RFX7: variants seen among roughly 807,000 people sequenced by gnomAD.
RFX7 encodes regulatory factor X7.
In RFX7, 26 loss-of-function variants were observed where a neutral mutation model predicts 111.8. That is an observed-to-expected ratio of 0.23 (90% CI 0.17 to 0.32). The LOEUF (loss-of-function observed/expected upper bound fraction) is 0.32. Ranked by LOEUF, RFX7 falls within the 10% of genes least tolerant of loss-of-function variation. The probability of loss-of-function intolerance (pLI) is 1.00; values close to 1 mark genes in which losing one functional copy is unlikely to be tolerated. For synonymous variants in RFX7, 624 were observed against 624.4 expected (o/e 1.00, Z 0.01); for missense variants, 1,573 against 1,772.9 (o/e 0.89, Z 2.02).
At position 56,093,476 on chromosome 15, in the gene RFX7, C is replaced by T; in HGVS notation, c.4252G>A (p.Ala1418Thr). ...TCATTCTTTAATTCTTCCAGTGTAG[C>T]TTCATCATCTTGTCCCTGCTGACGA... Reference protein sequence around the residue: ...PGRQQGQDDEATLEELKNDPL... With the variant: ...PGRQQGQDDETTLEELKNDPL... Residue 1418 changes from alanine (A) to threonine (T), a missense_variant, in exon 10 of 10, where the codon GCT (alanine) becomes ACT (threonine). Physicochemically the swap from Ala to Thr is moderately conservative, Grantham distance 58. Transcript: ENST00000559447. 5.6e-6 allele frequency: 9 copies of T among 1,613,882 alleles called. No homozygotes were observed. Among genetic ancestry groups the T allele is most frequent in the Non-Finnish European group, 7.6e-6 (9 of 1,179,840 alleles).
At chr15:56,231,706 C>A (rs1050185429) in intron 2 of RFX7, among the ~76,000 whole-genome samples, 17 of 152,142 alleles carry the variant, frequency 1.1e-4, no homozygotes, top group African/African-American at 4.1e-4. Flanking sequence ...AGTCTTAACT[C>A]ATTTTGGCAT....
intron 2 of RFX7, among the ~76,000 whole-genome samples, chr15:56,197,088 A>G (rs1255483546): frequency 6.6e-6 from 1 of 152,182 alleles, no homozygotes; most frequent in Non-Finnish European, 1.5e-5. Context: ...TCGGATGGGT[A>G]TGAAATATTT....
At chr15:56,226,105 G>A (rs1463383626) in intron 2 of RFX7, among the ~76,000 whole-genome samples, 1 of 152,068 alleles carries the variant, frequency 6.6e-6, no homozygotes, top group Admixed American at 6.6e-5. Context: ...GACAAAATAG[G>A]AGGTTCTGAA....
intron 5 of RFX7, among the ~76,000 whole-genome samples, chr15:56,117,008 G>A (rs13379820): frequency 0.29 from 44,723 of 152,134 alleles, 7,523 homozygotes; most frequent in Middle Eastern, 0.45. Flanking sequence ...TACCCTTGAT[G>A]AGAGAGGTGC....
intron 2 of RFX7, among the ~76,000 whole-genome samples, chr15:56,195,476 C>G (rs1309445321): frequency 2.6e-5 from 4 of 152,056 alleles, no homozygotes; most frequent in Non-Finnish European, 4.4e-5. Flanking sequence ...AGTGCCTAAT[C>G]AACAGATTGC....
At chr15:56,218,735 T>C (rs2043394227) in intron 2 of RFX7, among the ~76,000 whole-genome samples, 1 of 152,184 alleles carries the variant, frequency 6.6e-6, no homozygotes, top group Non-Finnish European at 1.5e-5. Flanking sequence ...CAAATAATAA[T>C]GGTATCATGT....
At chr15:56,116,357 G>C (rs1291010665) in intron 5 of RFX7, among the ~76,000 whole-genome samples, 3 of 152,198 alleles carry the variant, frequency 2.0e-5, no homozygotes, top group Non-Finnish European at 2.9e-5. Context: ...GACTCAAGTA[G>C]AATTTCATGC....
At chr15:56,155,277 T>C (rs1389085741) in intron 3 of RFX7, among the ~76,000 whole-genome samples, 1 of 151,470 alleles carries the variant, frequency 6.6e-6, no homozygotes, top group Non-Finnish European at 1.5e-5. Flanking sequence ...ACTGGGCATA[T>C]ACCCATAAAT....
At chr15:56,203,801 C>G (rs949866737) in intron 2 of RFX7, among the ~76,000 whole-genome samples, 1 of 152,124 alleles carries the variant, frequency 6.6e-6, no homozygotes, top group Admixed American at 6.5e-5. Flanking sequence ...GAATAATCCA[C>G]CCCTTATTTA....
chr15:56,175,946 A>G (rs1207151963), intron 3 of RFX7, among the ~76,000 whole-genome samples: 3 of 152,162 alleles, frequency 2.0e-5, no homozygotes, highest in Non-Finnish European at 4.4e-5. Flanking sequence ...GTCATTAGTG[A>G]CTACTGAACT....
intron 3 of RFX7, among the ~76,000 whole-genome samples, chr15:56,172,002 C>A (rs1463524877): frequency 6.6e-6 from 1 of 151,822 alleles, no homozygotes; most frequent in Non-Finnish European, 1.5e-5. Flanking sequence ...TGAGAAGGAA[C>A]GGCCTAAAAT....
chr15:56,155,562 A>T (rs1444795600), intron 3 of RFX7, among the ~76,000 whole-genome samples: 3 of 152,166 alleles, frequency 2.0e-5, no homozygotes, highest in African/African-American at 7.2e-5. Context: ...GGAGTTGAAC[A>T]ATGAGAACAC....
chr15:56,218,574 T>C (rs2043392073), intron 2 of RFX7, among the ~76,000 whole-genome samples: 1 of 152,212 alleles, frequency 6.6e-6, no homozygotes, highest in African/African-American at 2.4e-5. Context: ...GAGGGACTGC[T>C]CGCTGTATGG....
chr15:56,237,077 T>A (rs1178194164), intron 2 of RFX7, among the ~76,000 whole-genome samples: 1 of 152,144 alleles, frequency 6.6e-6, no homozygotes, highest in Admixed American at 6.5e-5. Context: ...ATAAATTAAT[T>A]ATATTAGTCT....
At chr15:56,202,424 T>C (rs2043202072) in intron 2 of RFX7, among the ~76,000 whole-genome samples, 1 of 152,196 alleles carries the variant, frequency 6.6e-6, no homozygotes, top group Admixed American at 6.5e-5. Flanking sequence ...TTTAGCCACA[T>C]TTCAAGTATT....
intron 5 of RFX7, among the ~76,000 whole-genome samples, chr15:56,104,658 GAAGTT>G (rs2041804787): frequency 6.6e-6 from 1 of 152,208 alleles, no homozygotes; most frequent in African/African-American, 2.4e-5. Context: ...CTTAGCTCAA[GAAGTT>G]AAGTTGGGAG....
At chr15:56,190,687 C>G (rs993416524) in intron 2 of RFX7, among the ~76,000 whole-genome samples, 2 of 151,754 alleles carry the variant, frequency 1.3e-5, no homozygotes, top group African/African-American at 4.8e-5. Flanking sequence ...CCACTACAGA[C>G]CTACTGAATC....
rs1307345708 is a variant in RFX7 at position 56,143,042 on chromosome 15, T to C, written c.279-142A>G. On this transcript the variant is annotated intron_variant, in intron 4 of 9. Transcript: ENST00000559447. ...CAAACTTAGGACATCTAGTAGATAA[T>C]TGTCCACCTATGGTTGTGAGCTGTT... 4.6e-6 allele frequency: 4 copies of C among 861,862 alleles called. No individual in the cohort carries two copies. In the South Asian group the frequency reaches 5.1e-5, roughly 11 times the overall value. 53.4% of individuals were successfully genotyped at this position (861,862 alleles called of 1,614,324 possible).
At chr15:56,229,844 A>G (rs938434270) in intron 2 of RFX7, among the ~76,000 whole-genome samples, 2 of 152,096 alleles carry the variant, frequency 1.3e-5, no homozygotes, top group Non-Finnish European at 1.5e-5. Flanking sequence ...CCCACCCAAA[A>G]AGGAAGGAAG....
Sources: gnomAD v4.1 joint callset for allele counts (sites outside exome capture counted in the v4.1 genomes callset) on GRCh38, gnomAD v4.1.1 for gene constraint, MANE v1.5 for transcripts, NCBI Gene and HGNC (gene_info 2026-07-23, HGNC 2026-07-21) for gene names.